HYCC2: variants seen among roughly 807,000 people sequenced by gnomAD.
HYCC2 encodes the protein hyccin 2.
At chr2:200,981,523 C>A in the HYCC2 span, 16 of 1,614,174 alleles carry the variant, frequency 9.9e-6, no homozygotes, top group Non-Finnish European at 1.4e-5. The surrounding 1 kb of genome is among the most constrained non-coding windows in gnomAD (Gnocchi z 4.5). Flanking sequence ...ACTGGCTGTC[C>A]GGATTAGACT....
chr2:201,071,225 G>C, the HYCC2 span, among the ~76,000 whole-genome samples: 1 of 152,098 alleles, frequency 6.6e-6, no homozygotes, highest in African/African-American at 2.4e-5. Context: ...GCAATCACTG[G>C]GATTTCTCTT....
chr2:200,995,198 A>G, the HYCC2 span, among the ~76,000 whole-genome samples: 3 of 152,196 alleles, frequency 2.0e-5, no homozygotes, highest in African/African-American at 4.8e-5. Flanking sequence ...TATTACAGTT[A>G]AGAGAAACAT....
At chr2:200,981,316 T>C in the HYCC2 span, 1 of 1,614,098 alleles carries the variant, frequency 6.2e-7, no homozygotes, top group African/African-American at 1.3e-5. The surrounding 1 kb of genome is among the most constrained non-coding windows in gnomAD (Gnocchi z 4.5). Flanking sequence ...GGATCGAGAC[T>C]GCTTGGTCAA....
chr2:201,025,906 T>G, the HYCC2 span, among the ~76,000 whole-genome samples: 1 of 151,916 alleles, frequency 6.6e-6, no homozygotes, highest in Non-Finnish European at 1.5e-5. Context: ...TACAAAAAAA[T>G]TTTCAAAAAT....
chr2:201,010,275 C>T, the HYCC2 span, among the ~76,000 whole-genome samples: 5 of 152,036 alleles, frequency 3.3e-5, no homozygotes, highest in Non-Finnish European at 7.4e-5. Flanking sequence ...AAACACAAAA[C>T]AAAGTCCCAC....
chr2:201,045,924 T>G, the HYCC2 span, among the ~76,000 whole-genome samples: 1 of 152,170 alleles, frequency 6.6e-6, no homozygotes, highest in African/African-American at 2.4e-5. Flanking sequence ...ATTCTATGAC[T>G]CTTTTGAAAC....
the HYCC2 span, among the ~76,000 whole-genome samples, chr2:201,030,813 A>G: frequency 6.6e-6 from 1 of 152,166 alleles, no homozygotes; most frequent in African/African-American, 2.4e-5. Context: ...TCCTGACCTC[A>G]GGTGATCTGC....
chr2:200,997,892 C>A, the HYCC2 span, among the ~76,000 whole-genome samples: 1 of 152,112 alleles, frequency 6.6e-6, no homozygotes, highest in African/African-American at 2.4e-5. Flanking sequence ...AAAAATTAGG[C>A]AGGTGTGGTG....
At chr2:201,022,906 A>G in the HYCC2 span, 4 of 1,613,584 alleles carry the variant, frequency 2.5e-6, no homozygotes. Context: ...TTGCTGCATA[A>G]CTGGTGATCT....
chr2:200,991,282 C>A, the HYCC2 span, among the ~76,000 whole-genome samples: 1 of 151,998 alleles, frequency 6.6e-6, no homozygotes, highest in Non-Finnish European at 1.5e-5. Context: ...CCAGCCTGTT[C>A]AACATAGTGA....
chr2:201,040,170 T>TC, the HYCC2 span, among the ~76,000 whole-genome samples: 4 of 143,000 alleles, frequency 2.8e-5, no homozygotes, highest in Non-Finnish European at 6.1e-5. Flanking sequence ...AGACTCTGTC[T>TC]CAAAAAAAAA....
the HYCC2 span, chr2:201,063,970 A>G: frequency 6.3e-7 from 1 of 1,597,692 alleles, no homozygotes; most frequent in South Asian, 1.1e-5. Flanking sequence ...GTGGAGGCCA[A>G]TACTTTGCAA....
chr2:201,010,011 G>A, the HYCC2 span, among the ~76,000 whole-genome samples: 22 of 151,590 alleles, frequency 1.5e-4, no homozygotes, highest in Non-Finnish European at 3.2e-4. Context: ...GGCTGAGACA[G>A]GAGAATCGCT....
chr2:200,998,167 C>T, the HYCC2 span, among the ~76,000 whole-genome samples: 1 of 152,210 alleles, frequency 6.6e-6, no homozygotes, highest in Middle Eastern at 3.2e-3. Context: ...GTCCTTCTTA[C>T]AAGGTACTTT....
At chr2:200,990,823 G>A in the HYCC2 span, among the ~76,000 whole-genome samples, 3 of 151,764 alleles carry the variant, frequency 2.0e-5, no homozygotes, top group South Asian at 2.1e-4. Context: ...CACCCGCCTC[G>A]GCCTCCCGAA....
chr2:201,001,227 C>A, the HYCC2 span, among the ~76,000 whole-genome samples: 2 of 151,926 alleles, frequency 1.3e-5, no homozygotes, highest in Admixed American at 6.6e-5. Flanking sequence ...CTAGAAGGTG[C>A]CATCTATGAG....
chr2:200,981,113 T>C, the HYCC2 span: 1 of 828,812 alleles, frequency 1.2e-6, no homozygotes, highest in Admixed American at 2.4e-5. The surrounding 1 kb of genome is among the most constrained non-coding windows in gnomAD (Gnocchi z 4.5). Context: ...GAAAACCTTA[T>C]TGCTGTTTTG....
At chr2:201,017,129 A>G in the HYCC2 span, 1 of 1,613,864 alleles carries the variant, frequency 6.2e-7, no homozygotes, top group Non-Finnish European at 8.5e-7. Flanking sequence ...CCTCTGAGCT[A>G]CGATAGAGCT....
chr2:201,039,167 C>A, the HYCC2 span, among the ~76,000 whole-genome samples: 1 of 152,274 alleles, frequency 6.6e-6, no homozygotes, highest in East Asian at 1.9e-4. Context: ...CCTCCAACCC[C>A]ATTACTCTGC....
Sources: gnomAD v4.1 joint callset for allele counts (sites outside exome capture counted in the v4.1 genomes callset) on GRCh38, gnomAD v4.1.1 for gene constraint, Gnocchi (gnomAD v3.1) non-coding constraint, MANE v1.5 for transcripts, NCBI Gene and HGNC (gene_info 2026-07-23, HGNC 2026-07-21) for gene names.